The following EYA2 variants were observed in gnomAD, a reference collection of about 807,000 sequenced individuals.
EYA2 encodes EYA transcriptional coactivator and phosphatase 2, also known as protein phosphatase EYA2.
In EYA2, 31 loss-of-function variants were observed where a neutral mutation model predicts 69.2. The observed-to-expected ratio is 0.45, with a 90% confidence interval of 0.34 to 0.60. EYA2 has a LOEUF of 0.60. Among genes scored for constraint, EYA2 ranks in the 20% least tolerant of loss-of-function variants. The pLI is 0.02. For synonymous variants in EYA2, 257 were observed against 279.4 expected, an observed-to-expected ratio of 0.92 and a Z score of 0.80; for missense variants, 622 against 701.2, an observed-to-expected ratio of 0.89 and a Z score of 1.28.
At chr20:46,978,261 G>A (rs1377004419) in intron 1 of EYA2, 1 of 246,356 alleles carries the variant, frequency 4.1e-6, no homozygotes, top group Admixed American at 4.8e-5. Context: ...CACGTGGACT[G>A]AGAGTCATGG....
intron 10 of EYA2, among the ~76,000 whole-genome samples, chr20:47,149,688 CAAAA>C (rs59780173): frequency 0.041 from 4,194 of 102,642 alleles, 188 homozygotes; most frequent in East Asian, 0.18. Flanking sequence ...ACTAAAAATA[CAAAA>C]AAAAAAAAAA....
chr20:47,029,548 C>T (rs1568733566), intron 5 of EYA2, among the ~76,000 whole-genome samples: 1 of 152,206 alleles, frequency 6.6e-6, no homozygotes, highest in Non-Finnish European at 1.5e-5. Context: ...TTACCTACTC[C>T]TTTTACCCCT....
chr20:47,123,130 G>A (rs1398732988), intron 9 of EYA2, among the ~76,000 whole-genome samples: 2 of 152,074 alleles, frequency 1.3e-5, no homozygotes, highest in African/African-American at 2.4e-5. Flanking sequence ...CTCCTATGTA[G>A]TAAAGAGTTT....
intron 8 of EYA2, chr20:47,095,708 T>C (rs1472387369): frequency 6.6e-6 from 1 of 152,200 alleles, no homozygotes; most frequent in Non-Finnish European, 1.5e-5. Context: ...CTAGAGGATA[T>C]TGTTTTCAAA....
At chr20:46,949,413 G>C (rs1227088295) in intron 1 of EYA2, among the ~76,000 whole-genome samples, 1 of 152,152 alleles carries the variant, frequency 6.6e-6, no homozygotes. Context: ...AAGACTTTCA[G>C]GTAAAAGTAA....
chr20:47,063,208 G>T (rs6018252), intron 5 of EYA2, among the ~76,000 whole-genome samples: 59,968 of 151,876 alleles, frequency 0.39, 12,972 homozygotes, highest in African/African-American at 0.58. Context: ...ACCTTTAAGC[G>T]GTCATGTCTA....
intron 5 of EYA2, among the ~76,000 whole-genome samples, chr20:47,071,682 C>T (rs952927071): frequency 2.0e-5 from 3 of 152,142 alleles, no homozygotes; most frequent in Non-Finnish European, 4.4e-5. Context: ...TTGAAAAGGA[C>T]ACCGTTTATT....
intron 9 of EYA2, among the ~76,000 whole-genome samples, chr20:47,116,703 C>G (rs908849171): frequency 2.6e-5 from 4 of 152,210 alleles, no homozygotes; most frequent in African/African-American, 9.6e-5. Flanking sequence ...CCCCTCCACT[C>G]TCACGCTCCC....
intron 1 of EYA2, among the ~76,000 whole-genome samples, chr20:46,899,932 A>G (rs1984010672): frequency 6.6e-6 from 1 of 152,252 alleles, no homozygotes; most frequent in Non-Finnish European, 1.5e-5. Flanking sequence ...AATCTAAAAC[A>G]GGAACTTAGA....
chr20:46,966,745 C>G (rs1329432181), intron 1 of EYA2, among the ~76,000 whole-genome samples: 2 of 151,870 alleles, frequency 1.3e-5, no homozygotes, highest in Non-Finnish European at 2.9e-5. Context: ...GGGAGGCGGA[C>G]CTTGCAGTGA....
intron 9 of EYA2, among the ~76,000 whole-genome samples, chr20:47,135,122 A>G (rs530863990): frequency 0.015 from 1,923 of 124,874 alleles, 23 homozygotes; most frequent in Middle Eastern, 0.034. Flanking sequence ...GCGAGACTCC[A>G]TATCAAAAAA....
intron 5 of EYA2, among the ~76,000 whole-genome samples, chr20:47,055,837 C>G (rs6066184): frequency 0.21 from 31,662 of 152,146 alleles, 3,661 homozygotes; most frequent in South Asian, 0.29. Flanking sequence ...AGTAGCCCCA[C>G]TGTCCTGCAA....
At chr20:47,149,932 G>A (rs2146611175) in intron 10 of EYA2, among the ~76,000 whole-genome samples, 1 of 152,282 alleles carries the variant, frequency 6.6e-6, no homozygotes, top group East Asian at 1.9e-4. Context: ...CTGAGGAGGG[G>A]GCCTTCCTTG....
In EYA2 at chr20:47,078,318, TGCGCGC is replaced by T. The variant is rs141520850; in HGVS notation, c.661+3992_661+3997del. ...GCATATGTGTGTGCACATGTGCACG[TGCGCGC>T]GCGCGCGCACACACACACACACACA... is the stretch of plus-strand genomic sequence containing the variant. On this transcript the variant is annotated intron_variant, in intron 7 of 15. Transcript: ENST00000327619. Among the ~76,000 whole-genome samples the T allele has an allele frequency of 1.9e-3, 249 of 130,280 alleles. 1 individual carries two copies. Among genetic ancestry groups the T allele is most frequent in the African/African-American group, 4.6e-3 (175 of 38,334 alleles). The allele number at this position is 130,280 out of a possible 152,430, so 85.5% of individuals were successfully genotyped here.
At chr20:47,019,599 G>T (rs1983622554) in intron 5 of EYA2, among the ~76,000 whole-genome samples, 1 of 152,094 alleles carries the variant, frequency 6.6e-6, no homozygotes, top group South Asian at 2.1e-4. Flanking sequence ...GAAGATTGAG[G>T]CTTATGAACT....
In EYA2 at chr20:47,179,806, G is replaced by C; in HGVS notation, c.1207G>C (p.Gly403Arg). The change falls in exon 13 of 16, where the codon GGC (glycine) becomes CGC (arginine). Residue 403 changes from glycine (G) to arginine (R), a missense_variant. Coordinates refer to ENST00000327619, the MANE Select transcript of EYA2 (RefSeq NM_005244.5). Reference protein sequence around the residue: ...TYKNNVGGLIGTPKRETWLQL... With the variant: ...TYKNNVGGLIRTPKRETWLQL... Reference sequence around the variant, plus strand: ...ATTTCCTTTGTCCACAGGGTTGATAGGCACTCCCAAAAGGGAGACCTGGCT... The same window carrying C: ...ATTTCCTTTGTCCACAGGGTTGATACGCACTCCCAAAAGGGAGACCTGGCT... 6.2e-7 allele frequency: 1 copy of C among 1,612,106 alleles called. No individual in the cohort carries two copies. The highest frequency in any genetic ancestry group is 8.5e-7 in the Non-Finnish European group (1 of 1,178,444).
At chr20:47,078,009 G>A (rs1836067468) in intron 7 of EYA2, among the ~76,000 whole-genome samples, 2 of 152,218 alleles carry the variant, frequency 1.3e-5, no homozygotes, top group South Asian at 2.1e-4. Context: ...TGAACTGAAT[G>A]GCAAACGAAA....
intron 7 of EYA2, among the ~76,000 whole-genome samples, chr20:47,078,936 T>TA: frequency 6.6e-6 from 1 of 152,362 alleles, no homozygotes; most frequent in East Asian, 1.9e-4. Context: ...ATCCGAAAGA[T>TA]AAACTTTGAC....
intron 13 of EYA2, among the ~76,000 whole-genome samples, chr20:47,180,545 G>A (rs2235906): frequency 0.018 from 2,759 of 152,156 alleles, 121 homozygotes; most frequent in East Asian, 0.18. Flanking sequence ...TACATTACCC[G>A]CAACTATTTA....
Sources: allele counts gnomAD v4.1 joint callset (sites outside exome capture counted in the v4.1 genomes callset), GRCh38; gene constraint gnomAD v4.1.1; transcripts MANE v1.5; gene names NCBI Gene and HGNC (gene_info 2026-07-23, HGNC 2026-07-21).